KIF24: variants seen among roughly 807,000 people sequenced by gnomAD.
KIF24 encodes the protein kinesin family member 24.
KIF24 carries 81 observed loss-of-function variants against 118.9 expected under a neutral mutation model. That is an observed-to-expected ratio of 0.68 (90% CI 0.57 to 0.82). The LOEUF (loss-of-function observed/expected upper bound fraction) is 0.82, where lower values mean the gene tolerates loss of function less well. Among genes scored for constraint, KIF24 ranks in the 40% least tolerant of loss-of-function variants. KIF24 has a pLI of 0.00. For synonymous variants in KIF24, 599 were observed against 610.0 expected, an observed-to-expected ratio of 0.98 and a Z score of 0.27; for missense variants, 1,560 against 1,661.6, an observed-to-expected ratio of 0.94 and a Z score of 1.06.
At chr9:34,285,521 T>C (rs1836007425) in intron 6 of KIF24, among the ~76,000 whole-genome samples, 1 of 152,052 alleles carries the variant, frequency 6.6e-6, no homozygotes, top group African/African-American at 2.4e-5. Flanking sequence ...ACGCCTGTAA[T>C]CCCAGCACTT....
At chr9:34,272,282 A>G (rs538807211) in intron 6 of KIF24, among the ~76,000 whole-genome samples, 4 of 152,346 alleles carry the variant, frequency 2.6e-5, no homozygotes, top group South Asian at 2.1e-4. Flanking sequence ...CATCTATCTT[A>G]GTAACCAAGG....
intron 9 of KIF24, among the ~76,000 whole-genome samples, chr9:34,260,237 G>A (rs1835004720): frequency 6.6e-6 from 1 of 151,964 alleles, no homozygotes; most frequent in Non-Finnish European, 1.5e-5. Flanking sequence ...CACACTTCTA[G>A]GACTTTATCC....
intron 3 of KIF24, among the ~76,000 whole-genome samples, chr9:34,299,376 CTCA>C (rs1450503806): frequency 6.6e-6 from 1 of 151,596 alleles, no homozygotes; most frequent in Admixed American, 6.6e-5. Context: ...AGACGGGGGT[CTCA>C]TCATGTTGGC....
chr9:34,280,050 C>T (rs1165903886), intron 6 of KIF24, among the ~76,000 whole-genome samples: 3 of 151,712 alleles, frequency 2.0e-5, no homozygotes, highest in Admixed American at 6.6e-5. Flanking sequence ...TTTGGGAGGC[C>T]GAGGCAGGCG....
In KIF24 at chr9:34,256,824, C is replaced by T; in HGVS notation, c.2783G>A (p.Gly928Glu). ...TGCCAGGCTGTCTCTGGGAGAAGGC[C>T]CTGAGGAAGTAGAGTTCTCTCTGCT... ...DWSRENSTSSGPSPRDSLAEK... is the reference protein window; with the variant it reads ...DWSRENSTSSEPSPRDSLAEK... The change falls in exon 11 of 13, where the codon GGG becomes GAG. Residue 928 changes from glycine to glutamate, a missense_variant. Physicochemically the swap from Gly to Glu is moderately conservative, Grantham distance 98. Coordinates refer to ENST00000402558, the MANE Select transcript of KIF24 (RefSeq NM_194313.4). 1 of 1,613,934 alleles carries T rather than the reference C, an allele frequency of 6.2e-7. No homozygotes were observed. The highest frequency in any genetic ancestry group is 8.5e-7 in the Non-Finnish European group (1 of 1,179,890).
intron 6 of KIF24, among the ~76,000 whole-genome samples, chr9:34,272,287 C>G (rs1462120148): frequency 6.6e-6 from 1 of 152,180 alleles, no homozygotes; most frequent in Non-Finnish European, 1.5e-5. Flanking sequence ...ATCTTAGTAA[C>G]CAAGGCAAAG....
At position 34,259,706 on chromosome 9, in the gene KIF24, C is replaced by T. The variant is rs1309805383; in HGVS notation, c.1516-1G>A. 3 of 1,606,776 alleles carry T rather than the reference C, an allele frequency of 1.9e-6. No homozygotes were observed. Among genetic ancestry groups the T allele is most frequent in the Non-Finnish European group, 1.7e-6 (2 of 1,173,538 alleles). On this transcript the variant is annotated splice_acceptor_variant, in intron 9 of 12. Coordinates refer to ENST00000402558, the MANE Select transcript of KIF24 (RefSeq NM_194313.4). LOFTEE classifies it high-confidence loss of function. The stretch of plus-strand genomic sequence containing the variant: ...TGCCGATGAAAGAGTCCTTCAGGAC[C>T]TGTCCAAAACAGAAGGCAGGTCAAT...
intron 3 of KIF24, among the ~76,000 whole-genome samples, chr9:34,304,709 C>T (rs921556634): frequency 1.3e-5 from 2 of 152,006 alleles, no homozygotes; most frequent in African/African-American, 4.8e-5. Context: ...AATTTAGTAC[C>T]AGTAGAAAGA....
At chr9:34,285,476 A>T (rs1358932062) in intron 6 of KIF24, among the ~76,000 whole-genome samples, 1 of 152,120 alleles carries the variant, frequency 6.6e-6, no homozygotes, top group African/African-American at 2.4e-5. Context: ...AAAAATTTTT[A>T]AAAATTAGCC....
chr9:34,305,077 G>T (rs7042547), intron 3 of KIF24, among the ~76,000 whole-genome samples: 34,118 of 151,826 alleles, frequency 0.22, 4,475 homozygotes, highest in East Asian at 0.61. Flanking sequence ...ACAATTTTAG[G>T]AGTACCTAAA....
intron 1 of KIF24, among the ~76,000 whole-genome samples, chr9:34,315,769 C>T (rs1407234013): frequency 6.6e-6 from 1 of 152,210 alleles, no homozygotes; most frequent in East Asian, 1.9e-4. Context: ...TGGCTCATGC[C>T]TGTAATCCCA....
At chr9:34,308,546 A>C (rs926650878) in intron 2 of KIF24, among the ~76,000 whole-genome samples, 6 of 152,178 alleles carry the variant, frequency 3.9e-5, no homozygotes, top group African/African-American at 1.4e-4. Flanking sequence ...GGCCTCCCAA[A>C]GTGCTGGGAT....
intron 6 of KIF24, among the ~76,000 whole-genome samples, chr9:34,276,922 G>A (rs904549551): frequency 2.6e-5 from 4 of 152,194 alleles, no homozygotes; most frequent in African/African-American, 4.8e-5. Flanking sequence ...GACACTTAAG[G>A]CCAGCGCTGT....
At chr9:34,286,736 G>C (rs1179621549) in intron 5 of KIF24, 32 bp from the exon 6 acceptor site, 1 of 1,456,302 alleles carries the variant, frequency 6.9e-7, no homozygotes, top group East Asian at 2.3e-5. Flanking sequence ...TGGTATGATG[G>C]TGCTACTAAA....
At chr9:34,285,970 C>T (rs1836036181) in intron 6 of KIF24, among the ~76,000 whole-genome samples, 2 of 148,646 alleles carry the variant, frequency 1.3e-5, no homozygotes, top group Admixed American at 1.3e-4. Flanking sequence ...ATTTAAAGTG[C>T]AAATATTTGT....
At chr9:34,269,670 T>C (rs553414985) in intron 7 of KIF24, among the ~76,000 whole-genome samples, 3 of 152,070 alleles carry the variant, frequency 2.0e-5, no homozygotes, top group East Asian at 3.9e-4. Context: ...CCGCCCGCCT[T>C]GGCCTCCCAA....
chr9:34,314,776 A>G (rs1196289751), intron 1 of KIF24, among the ~76,000 whole-genome samples: 3 of 152,254 alleles, frequency 2.0e-5, no homozygotes, highest in Non-Finnish European at 2.9e-5. Context: ...AAGTCATGGA[A>G]TAGAGACTGG....
At chr9:34,297,165 A>T in intron 3 of KIF24, 51 bp from the exon 4 acceptor site, 1 of 1,093,178 alleles carries the variant, frequency 9.1e-7, no homozygotes, top group Non-Finnish European at 1.4e-6. Context: ...GGATTTTCTT[A>T]ATCACTATTC....
intron 1 of KIF24, among the ~76,000 whole-genome samples, chr9:34,311,701 CATATATACGTATATATGTAT>C (rs1837162289): frequency 1.5e-5 from 2 of 137,890 alleles, no homozygotes; most frequent in African/African-American, 2.6e-5. Context: ...TATATATGTA[CATATATACGTATATATGTAT>C]ATACACGTAT....
Sources: allele counts gnomAD v4.1 joint callset (sites outside exome capture counted in the v4.1 genomes callset), GRCh38; gene constraint gnomAD v4.1.1; transcripts MANE v1.5; gene names NCBI Gene and HGNC (gene_info 2026-07-23, HGNC 2026-07-21).